The following SAMMSON variants were observed in gnomAD, a reference collection of about 807,000 sequenced individuals.
The protein encoded by SAMMSON is long intergenic non-protein coding RNA 1212.
intron 4 of SAMMSON, among the ~76,000 whole-genome samples, chr3:70,108,122 A>G (rs956616898): frequency 6.6e-6 from 1 of 152,194 alleles, no homozygotes; most frequent in African/African-American, 2.4e-5. Flanking sequence ...TATTTAACCA[A>G]TGCTGATTGT....
At chr3:70,109,327 C>T (rs1416832913) in intron 4 of SAMMSON, among the ~76,000 whole-genome samples, 1 of 152,122 alleles carries the variant, frequency 6.6e-6, no homozygotes, top group Non-Finnish European at 1.5e-5. Flanking sequence ...GAGCTCTCCT[C>T]TTCTCTCAGT....
chr3:70,173,878 TG>T (rs1203731240), intron 4 of SAMMSON, among the ~76,000 whole-genome samples: 1 of 151,890 alleles, frequency 6.6e-6, no homozygotes, highest in Non-Finnish European at 1.5e-5. Flanking sequence ...GCATTTAAGT[TG>T]CAGGGAAATA....
intron 7 of SAMMSON, among the ~76,000 whole-genome samples, chr3:70,323,012 GT>G (rs1362170892): frequency 6.6e-6 from 1 of 152,062 alleles, no homozygotes; most frequent in Non-Finnish European, 1.5e-5. Context: ...AAAGAAGACA[GT>G]GGTTGAATTT....
At chr3:70,004,721 G>A (rs2066919194) in intron 1 of SAMMSON, among the ~76,000 whole-genome samples, 1 of 152,182 alleles carries the variant, frequency 6.6e-6, no homozygotes, top group Non-Finnish European at 1.5e-5. Flanking sequence ...ACAAGTTATA[G>A]TTTTTAAAAA....
At chr3:70,191,819 T>A (rs1047187726) in intron 4 of SAMMSON, among the ~76,000 whole-genome samples, 5 of 151,654 alleles carry the variant, frequency 3.3e-5, no homozygotes, top group African/African-American at 1.2e-4. Context: ...CCTCAAACCT[T>A]GTGATAATTG....
intron 2 of SAMMSON, among the ~76,000 whole-genome samples, chr3:70,403,206 G>T (rs1416065067): frequency 6.6e-6 from 1 of 152,150 alleles, no homozygotes; most frequent in Admixed American, 6.5e-5. Flanking sequence ...ACCCTGCCCT[G>T]TGCAGACAAA....
At chr3:70,019,502 A>G (rs537906738) in intron 3 of SAMMSON, among the ~76,000 whole-genome samples, 99 of 152,288 alleles carry the variant, frequency 6.5e-4, no homozygotes, top group African/African-American at 1.9e-3. Flanking sequence ...GGTCTCCTGA[A>G]TACAGCGCAC....
chr3:70,001,511 C>T lies in SAMMSON; in HGVS notation n.22+1644C>T, dbSNP rs182392321. Among the ~76,000 whole-genome samples the T allele has an allele frequency of 1.5e-3, 230 of 151,272 alleles. 2 individuals are homozygous for T. Among genetic ancestry groups the T allele is most frequent in the African/African-American group, 5.4e-3 (221 of 41,176 alleles). On this transcript the variant is annotated intron_variant and non_coding_transcript_variant, in intron 1 of 9. Transcript: ENST00000642114. ...GTATACATGTAATATGTATTCTCTC[C>T]CATTTTTAAAAAACATAAATGGTGG...
intron 3 of SAMMSON, among the ~76,000 whole-genome samples, chr3:70,044,161 G>A (rs2067115462): frequency 6.6e-6 from 1 of 151,948 alleles, no homozygotes; most frequent in South Asian, 2.1e-4. Context: ...CATTTAGAAT[G>A]ACCAATCCTT....
chr3:70,353,678 A>C (rs749078920), intron 7 of SAMMSON, among the ~76,000 whole-genome samples: 15 of 152,200 alleles, frequency 9.9e-5, no homozygotes, highest in Non-Finnish European at 2.2e-4. Context: ...TTCCTTAAAA[A>C]CAAAATATGC....
intron 7 of SAMMSON, among the ~76,000 whole-genome samples, chr3:70,341,672 T>C (rs1702711135): frequency 6.6e-6 from 1 of 152,114 alleles, no homozygotes; most frequent in African/African-American, 2.4e-5. Flanking sequence ...GTCAAGAATA[T>C]AAATGTGATG....
At chr3:70,133,883 A>G (rs920397357) in intron 4 of SAMMSON, among the ~76,000 whole-genome samples, 38 of 152,130 alleles carry the variant, frequency 2.5e-4, no homozygotes, top group African/African-American at 9.2e-4. Flanking sequence ...TTGGGTTCAG[A>G]CTGATGTGAG....
chr3:70,424,961 G>A (rs949327441), intron 2 of SAMMSON: 1 of 152,320 alleles, frequency 6.6e-6, no homozygotes, highest in Non-Finnish European at 1.5e-5. Context: ...AGAGGAGGAG[G>A]AGGAGAAAAA....
At chr3:70,359,825 C>T (rs1220510177) in intron 9 of SAMMSON, among the ~76,000 whole-genome samples, 1 of 151,874 alleles carries the variant, frequency 6.6e-6, no homozygotes, top group Non-Finnish European at 1.5e-5. Context: ...TATCTCAGAC[C>T]TTTATAATGT....
chr3:70,335,206 C>T (rs1050726823), intron 7 of SAMMSON, among the ~76,000 whole-genome samples: 1 of 152,052 alleles, frequency 6.6e-6, no homozygotes, highest in African/African-American at 2.4e-5. Flanking sequence ...TATATTTCAT[C>T]TCCAAACGCA....
At chr3:70,021,640 G>A (rs563095850) in intron 3 of SAMMSON, among the ~76,000 whole-genome samples, 32 of 151,994 alleles carry the variant, frequency 2.1e-4, no homozygotes, top group Non-Finnish European at 4.3e-4. Context: ...TCAGTGGAAC[G>A]GCTCAAAGAT....
chr3:70,080,520 T>C (rs2067264103), intron 4 of SAMMSON, among the ~76,000 whole-genome samples: 2 of 152,182 alleles, frequency 1.3e-5, no homozygotes, highest in Non-Finnish European at 1.5e-5. Context: ...CCTGTGCCTT[T>C]GTATGTACTC....
chr3:70,045,502 A>G (rs1210983279), intron 3 of SAMMSON, among the ~76,000 whole-genome samples: 1 of 151,632 alleles, frequency 6.6e-6, no homozygotes, highest in Non-Finnish European at 1.5e-5. Flanking sequence ...CCCTGCCACC[A>G]TTAATATATT....
intron 9 of SAMMSON, among the ~76,000 whole-genome samples, chr3:70,369,005 A>G (rs1702943375): frequency 6.6e-6 from 1 of 151,596 alleles, no homozygotes; most frequent in Admixed American, 6.6e-5. Flanking sequence ...CTTCCCATTT[A>G]TGTAGATTTT....
Sources: allele counts gnomAD v4.1 joint callset (sites outside exome capture counted in the v4.1 genomes callset), GRCh38; gene constraint gnomAD v4.1.1; transcripts MANE v1.5; gene names NCBI Gene and HGNC (gene_info 2026-07-23, HGNC 2026-07-21).